The following FGD4 variants were observed in gnomAD, a reference collection of about 807,000 sequenced individuals.
The protein encoded by FGD4 is FYVE, RhoGEF and PH domain containing 4, also known as FYVE, RhoGEF and PH domain-containing protein 4.
In FGD4, 42 loss-of-function variants were observed where a neutral mutation model predicts 102.0. The observed-to-expected ratio is 0.41, with a 90% CI of 0.32 to 0.53. FGD4 has a LOEUF of 0.53. Ranked by LOEUF, FGD4 falls within the 20% of genes least tolerant of loss-of-function variation. The pLI, the probability that FGD4 is intolerant of heterozygous loss-of-function variation, is 0.21. For synonymous variants in FGD4, 380 were observed against 375.7 expected, an observed-to-expected ratio of 1.01 and a Z score of -0.13; for missense variants, 902 against 1,078.2, an observed-to-expected ratio of 0.84 and a Z score of 2.29.
At chr12:32,488,754 C>T (rs972524029) in intron 1 of FGD4, among the ~76,000 whole-genome samples, 4 of 152,118 alleles carry the variant, frequency 2.6e-5, no homozygotes, top group African/African-American at 4.8e-5. Context: ...GCCTGGCCAA[C>T]ATGGTGAAAC....
intron 3 of FGD4, among the ~76,000 whole-genome samples, chr12:32,581,025 G>A (rs1374795285): frequency 1.3e-5 from 2 of 152,194 alleles, no homozygotes; most frequent in African/African-American, 4.8e-5. Context: ...AATCAGATGT[G>A]GAGTTAGTGA....
In FGD4 at chr12:32,550,577, G is replaced by T. The variant is rs571432545; in HGVS notation, c.167-13560G>T. On this transcript the variant is annotated intron_variant, in intron 1 of 16. Transcript: ENST00000534526. ...TCCTAGCTGCTTGTGAGGCTGAAGT[G>T]AGAGGATCACTTGAGCCTGTAAGGT... 2.7e-5 allele frequency among the ~76,000 whole-genome samples: 4 copies of T among 147,936 alleles called. No individual in the cohort carries two copies. The South Asian group carries it at 8.5e-4, about 31-fold the overall frequency.
intron 5 of FGD4, among the ~76,000 whole-genome samples, chr12:32,600,007 C>T (rs1466021348): frequency 6.6e-6 from 1 of 152,174 alleles, no homozygotes; most frequent in Admixed American, 6.5e-5. Flanking sequence ...TGGAAACAGG[C>T]AATCCTGTGC....
intron 1 of FGD4, among the ~76,000 whole-genome samples, chr12:32,440,421 G>A (rs927241210): frequency 1.3e-5 from 2 of 152,184 alleles, no homozygotes; most frequent in Non-Finnish European, 2.9e-5. Context: ...CCACCTTGAC[G>A]ATCTTGGACA....
chr12:32,497,978 C>G (rs1352294142), intron 1 of FGD4, among the ~76,000 whole-genome samples: 1 of 152,092 alleles, frequency 6.6e-6, no homozygotes, highest in Non-Finnish European at 1.5e-5. Flanking sequence ...GCTGAAGAGA[C>G]CTTTGGAGAT....
chr12:32,629,665 C>T (rs1298613011), intron 14 of FGD4, among the ~76,000 whole-genome samples: 3 of 152,148 alleles, frequency 2.0e-5, no homozygotes, highest in Non-Finnish European at 4.4e-5. Context: ...TTATTCATCT[C>T]TATCTCCCAT....
intron 1 of FGD4, among the ~76,000 whole-genome samples, chr12:32,521,428 A>G (rs1359689227): frequency 6.6e-6 from 1 of 152,090 alleles, no homozygotes; most frequent in Non-Finnish European, 1.5e-5. Flanking sequence ...TTGTGAAGAA[A>G]TGTTCAAAGG....
intron 1 of FGD4, among the ~76,000 whole-genome samples, chr12:32,466,267 G>A (rs1943250192): frequency 1.3e-5 from 2 of 152,222 alleles, no homozygotes; most frequent in East Asian, 3.9e-4. Context: ...CAGTATCTCT[G>A]AGTGTGCCTG....
intron 2 of FGD4, among the ~76,000 whole-genome samples, chr12:32,570,256 A>AG (rs1394072863): frequency 1.3e-5 from 2 of 150,816 alleles, no homozygotes; most frequent in East Asian, 1.9e-4. Flanking sequence ...AAAAAAAAAA[A>AG]AAAAAAGAAA....
chr12:32,512,432 G>A (rs1939472078), intron 1 of FGD4, among the ~76,000 whole-genome samples: 1 of 150,328 alleles, frequency 6.7e-6, no homozygotes, highest in Non-Finnish European at 1.5e-5. Context: ...GGGGGACAGA[G>A]CAAGACTCTG....
At chr12:32,513,325 G>T (rs1240201451) in intron 1 of FGD4, among the ~76,000 whole-genome samples, 1 of 152,210 alleles carries the variant, frequency 6.6e-6, no homozygotes, top group Non-Finnish European at 1.5e-5. Flanking sequence ...TAACTAGAGT[G>T]TTGGGATTAG....
intron 3 of FGD4, 185 bp from the exon 4 acceptor site, chr12:32,581,775 A>C (rs571540063): frequency 5.0e-4 from 305 of 612,382 alleles, no homozygotes; most frequent in Admixed American, 9.7e-4. Flanking sequence ...ATCTTTATTT[A>C]AATGTGGATA....
rs536423713 is a variant in FGD4 at position 32,569,678 on chromosome 12, G to A, written c.319+5389G>A. 1.6e-4 allele frequency among the ~76,000 whole-genome samples: 25 copies of A among 152,104 alleles called. No homozygotes were observed. In the South Asian group the frequency reaches 4.2e-3, roughly 25 times the overall value. On this transcript the variant is annotated intron_variant, in intron 2 of 16. Coordinates refer to ENST00000534526, the MANE Select transcript of FGD4 (RefSeq NM_001370298.3). ...TTTCTCCTAGCACTTACCTCCTTCC[G>A]ATAAATGATTTACTTGCTATTTTTT...
rs1302338258 is a variant in FGD4, at chr12:32,564,161, C to T, written c.191C>T (p.Ala64Val). 7 of 1,536,056 alleles carry T rather than the reference C, an allele frequency of 4.6e-6. No homozygotes were observed. The Admixed American group carries it at 7.8e-5, about 17-fold the overall frequency. The change falls in exon 2 of 17, where the codon GCT (alanine) becomes GTT (valine). Residue 64 changes from alanine (A) to valine (V), a missense_variant. Coordinates refer to ENST00000534526, the MANE Select transcript of FGD4 (RefSeq NM_001370298.3). ...GGCAGCAGTACCTGTCCAAAGATCG[C>T]TTTAGTTCCACCTTGCTCCACAAGC... ...ATGSSTCPKI[A>V]LVPPCSTSST...
intron 1 of FGD4, among the ~76,000 whole-genome samples, chr12:32,402,117 ATTTTTTTTTTTTTT>A (rs56852726): frequency 1.1e-4 from 12 of 105,204 alleles, no homozygotes; most frequent in African/African-American, 4.0e-4. Flanking sequence ...TTGGCCAGGC[ATTTTTTTTTTTTTT>A]TTTTTTTTTT....
intron 1 of FGD4, among the ~76,000 whole-genome samples, chr12:32,431,284 T>G (rs541410844): frequency 6.6e-6 from 1 of 152,312 alleles, no homozygotes; most frequent in African/African-American, 2.4e-5. Flanking sequence ...AAAATTATAT[T>G]GGCGGCAATT....
At chr12:32,473,253 T>C (rs10844213) in intron 1 of FGD4, among the ~76,000 whole-genome samples, 84,554 of 151,270 alleles carry the variant, frequency 0.56, 26,101 homozygotes, top group East Asian at 0.73. Flanking sequence ...AACCTGCTCG[T>C]GTCCCCTTCC....
intron 1 of FGD4, among the ~76,000 whole-genome samples, chr12:32,408,727 A>G (rs1171420566): frequency 6.6e-6 from 1 of 152,158 alleles, no homozygotes; most frequent in Non-Finnish European, 1.5e-5. Flanking sequence ...TTGGATTAGC[A>G]GTTGTAAGGT....
At chr12:32,560,413 A>G (rs143363713) in intron 1 of FGD4, among the ~76,000 whole-genome samples, 1 of 151,872 alleles carries the variant, frequency 6.6e-6, no homozygotes, top group African/African-American at 2.4e-5. Context: ...CACCACACCC[A>G]GTTAATGTTT....
Sources: gnomAD v4.1 joint callset for allele counts (sites outside exome capture counted in the v4.1 genomes callset) on GRCh38, gnomAD v4.1.1 for gene constraint, MANE v1.5 for transcripts, NCBI Gene and HGNC (gene_info 2026-07-23, HGNC 2026-07-21) for gene names.